Variants in RGS12 observed in about 807,000 individuals in gnomAD.
RGS12 encodes the protein regulator of G protein signaling 12, also known as regulator of G-protein signaling 12.
RGS12 carries 66 observed loss-of-function variants against 120.1 expected under a neutral mutation model. The ratio of observed to expected loss-of-function variants is 0.55; its 90% CI spans 0.45 to 0.67. The LOEUF (loss-of-function observed/expected upper bound fraction) is 0.67. Among genes scored for constraint, RGS12 ranks in the 30% least tolerant of loss-of-function variants. The probability of loss-of-function intolerance (pLI) is 0.00; values close to 1 mark genes in which losing one functional copy is unlikely to be tolerated. For synonymous variants in RGS12, 827 were observed against 804.7 expected (o/e 1.03, Z -0.47); for missense variants, 1,859 against 1,957.7 (o/e 0.95, Z 0.95).
chr4:3,395,838 G>T (rs75671251), intron 4 of RGS12, among the ~76,000 whole-genome samples: 1 of 152,010 alleles, frequency 6.6e-6, no homozygotes, highest in Non-Finnish European at 1.5e-5. Context: ...GTGGATTTAC[G>T]TATAGTTTTC....
At position 3,416,135 on chromosome 4, in the gene RGS12, G is replaced by A; in HGVS notation, c.2427+14G>A. ...CAGCAGCTGCAGGTAACCGCAGGCT[G>A]TGGGAGCTTGTGGGGAGTCCAGGCT... On this transcript the variant is annotated intron_variant, in intron 7 of 17. Coordinates refer to ENST00000336727, the MANE Select transcript of RGS12 (RefSeq NM_001394154.1). The A allele has an allele frequency of 6.2e-7, 1 of 1,613,604 alleles. No individual in the cohort carries two copies. The highest frequency in any genetic ancestry group is 8.5e-7 in the Non-Finnish European group (1 of 1,179,786).
At chr4:3,422,735 A>G (rs958154585) in intron 11 of RGS12, among the ~76,000 whole-genome samples, 165 bp downstream of exon 11, 1 of 152,246 alleles carries the variant, frequency 6.6e-6, no homozygotes, top group Admixed American at 6.5e-5. Context: ...TGCTGGGAGC[A>G]CTTTGCACGT....
At position 3,422,481 on chromosome 4, in the gene RGS12, T is replaced by C. The variant is rs920948555; in HGVS notation, c.2944T>C (p.Phe982Leu). The C allele has an allele frequency of 8.1e-6, 13 of 1,613,090 alleles. No homozygotes were observed. Among genetic ancestry groups the C allele is most frequent in the Non-Finnish European group, 1.0e-5 (12 of 1,179,988 alleles). Reference protein sequence around the residue: ...TSCVVAVKAGFSIKDILSGLC... With the variant: ...TSCVVAVKAGLSIKDILSGLC... ...CTGCGTGGTGGCTGTCAAGGCGGGC[T>C]TCTCCATCAAAGACATCCTGTCCGG... The change falls in exon 11 of 18, where the codon TTC becomes CTC. Residue 982 changes from phenylalanine (F) to leucine (L), a missense_variant. By Grantham distance (22) the Phe-to-Leu change is conservative. Transcript: ENST00000336727.
chr4:3,308,374 G>A (rs550281221), intron 1 of RGS12, among the ~76,000 whole-genome samples: 5 of 152,370 alleles, frequency 3.3e-5, no homozygotes, highest in East Asian at 1.9e-4. Context: ...GATGTGAAGC[G>A]TGTTGGCTCG....
rs1714205718 is a variant in RGS12, at chr4:3,349,955, A to T, written c.1998+6902A>T. ...GATTTCAGATTACATGACAGTCTAT[A>T]AGCACTTTCCCATCTACGTTTATGT... On this transcript the variant is annotated intron_variant, in intron 3 of 17. Transcript: ENST00000336727. Among the ~76,000 whole-genome samples the T allele has an allele frequency of 4.6e-5, 7 of 152,334 alleles. No homozygotes were observed. In the South Asian group the frequency reaches 1.4e-3, roughly 32 times the overall value.
chr4:3,337,728 G>A (rs1459611826), intron 2 of RGS12, among the ~76,000 whole-genome samples: 1 of 152,224 alleles, frequency 6.6e-6, no homozygotes, highest in Non-Finnish European at 1.5e-5. Context: ...TGGGGGCAGA[G>A]CTTCGTTCTG....
chr4:3,379,887 C>T lies in RGS12; in HGVS notation c.1999-6529C>T, dbSNP rs545055361. 5.3e-5 allele frequency among the ~76,000 whole-genome samples: 8 copies of T among 152,304 alleles called. No individual in the cohort carries two copies. In the South Asian group the frequency reaches 1.7e-3, roughly 32 times the overall value. On this transcript the variant is annotated intron_variant, in intron 3 of 17. Transcript: ENST00000336727. ...GACATAGCGAAACTGCATCGTTCCA[C>T]CCCTGACCCCTCCAAAATCTCATAT...
At chr4:3,360,774 C>T (rs774556719) in intron 3 of RGS12, among the ~76,000 whole-genome samples, 2 of 152,114 alleles carry the variant, frequency 1.3e-5, no homozygotes, top group Admixed American at 1.3e-4. Flanking sequence ...GAAAGAAGGG[C>T]GAGAGGACAG....
At position 3,416,933 on chromosome 4, in the gene RGS12, T is replaced by C. The variant is rs750689063; in HGVS notation, c.2448T>C (p.Phe816=). ...CCCAGATCTTCAATCTCATGAAGTT[T>C]GATAGCTACACTCGCTTTCTGAAGT... ...QQLQIFNLMK[F]DSYTRFLKSP... The change falls in exon 8 of 18, where the codon TTT becomes TTC. Residue 816 remains phenylalanine (F), a synonymous_variant. Transcript: ENST00000336727. 1 of 1,606,082 alleles carries C rather than the reference T, an allele frequency of 6.2e-7. No homozygotes were observed. The highest frequency in any genetic ancestry group is 8.5e-7 in the Non-Finnish European group (1 of 1,173,694).
chr4:3,368,454 G>GGT (rs1314616599), intron 3 of RGS12, among the ~76,000 whole-genome samples: 2 of 126,114 alleles, frequency 1.6e-5, no homozygotes, highest in East Asian at 2.5e-4. Context: ...GTGTGTGTGG[G>GGT]GTGCCTTTGT....
chr4:3,350,034 A>G (rs1462221447), intron 3 of RGS12, among the ~76,000 whole-genome samples: 2 of 152,236 alleles, frequency 1.3e-5, no homozygotes, highest in Non-Finnish European at 2.9e-5. Context: ...ACTGAGATAT[A>G]GAAAAAGCTA....
intron 3 of RGS12, among the ~76,000 whole-genome samples, chr4:3,351,289 G>GT (rs1302695190): frequency 6.6e-6 from 1 of 151,958 alleles, no homozygotes; most frequent in African/African-American, 2.4e-5. Flanking sequence ...GCTCTTAAGT[G>GT]TCAGACAAAA....
intron 4 of RGS12, among the ~76,000 whole-genome samples, chr4:3,394,843 C>T (rs561877574): frequency 1.3e-5 from 2 of 152,120 alleles, no homozygotes; most frequent in East Asian, 1.9e-4. Flanking sequence ...ACCTCTCACC[C>T]GACGGCTGTT....
At chr4:3,335,603 TCA>T (rs1712361313) in intron 2 of RGS12, among the ~76,000 whole-genome samples, 1 of 152,126 alleles carries the variant, frequency 6.6e-6, no homozygotes, top group South Asian at 2.1e-4. Context: ...CCTTCCCCTC[TCA>T]GTTTGCAGTT....
At chr4:3,343,984 T>C (rs1713534434) in intron 3 of RGS12, among the ~76,000 whole-genome samples, 1 of 152,234 alleles carries the variant, frequency 6.6e-6, no homozygotes, top group Non-Finnish European at 1.5e-5. Context: ...TGCCTTCCGC[T>C]ATCGATAGAC....
chr4:3,288,799 G>A (rs1722954889), upstream of RGS12, among the ~76,000 whole-genome samples: 1 of 152,210 alleles, frequency 6.6e-6, no homozygotes, highest in South Asian at 2.1e-4. The surrounding 1 kb of genome is among the most constrained non-coding windows in gnomAD (Gnocchi z 5.2). Context: ...GAGACTGCAT[G>A]AGGCATGTGG....
Position 3,422,973 on chromosome 4 carries a change from G to A in RGS12, c.3102G>A (p.Leu1034=). 1.2e-6 allele frequency: 2 copies of A among 1,612,832 alleles called. No individual in the cohort carries two copies. Among genetic ancestry groups the A allele is most frequent in the African/African-American group, 2.7e-5 (2 of 75,056 alleles). Reference sequence around the variant, plus strand: ...ACCTGCGCCTAGAAAAGCGCACCTTGTTTCGGTAAGAGGAAGATCGCTGTC... The same window carrying A: ...ACCTGCGCCTAGAAAAGCGCACCTTATTTCGGTAAGAGGAAGATCGCTGTC... The part of the protein sequence containing the change: ...SRDLRLEKRT[L]FRLDLVPINR... Residue 1034 remains leucine (L), a synonymous_variant, in exon 12 of 18, where the codon TTG becomes TTA. Transcript: ENST00000336727.
chr4:3,290,636 A>G (rs1418923458), upstream of RGS12, among the ~76,000 whole-genome samples: 1 of 152,254 alleles, frequency 6.6e-6, no homozygotes, highest in Admixed American at 6.5e-5. Context: ...AAGCAACTGT[A>G]GCCTATGAGC....
chr4:3,427,078 TC>T (rs991350405), intron 14 of RGS12, among the ~76,000 whole-genome samples: 6 of 152,116 alleles, frequency 3.9e-5, no homozygotes, highest in African/African-American at 1.4e-4. Context: ...CTTGCTCCCC[TC>T]CCCAACTCCT....
Sources: gnomAD v4.1 joint callset for allele counts (sites outside exome capture counted in the v4.1 genomes callset) on GRCh38, gnomAD v4.1.1 for gene constraint, Gnocchi (gnomAD v3.1) non-coding constraint, MANE v1.5 for transcripts, NCBI Gene and HGNC (gene_info 2026-07-23, HGNC 2026-07-21) for gene names.